The following SLCO5A1 variants were observed in gnomAD, a reference collection of about 807,000 sequenced individuals.
SLCO5A1 encodes the protein solute carrier organic anion transporter family member 5A1.
A neutral mutation model predicts 65.1 loss-of-function variants in SLCO5A1; 39 were observed. The observed-to-expected ratio is 0.60, with a 90% CI of 0.46 to 0.78. The LOEUF is 0.78. SLCO5A1 is among the 30% of genes least tolerant of loss of function. The pLI, the probability that SLCO5A1 is intolerant of heterozygous loss-of-function variation, is 0.00. For synonymous variants in SLCO5A1, 438 were observed against 415.7 expected (o/e 1.05, Z -0.65); for missense variants, 1,029 against 1,069.4 (o/e 0.96, Z 0.53).
chr8:69,710,110 C>G (rs927457860), intron 5 of SLCO5A1, among the ~76,000 whole-genome samples: 3 of 151,412 alleles, frequency 2.0e-5, no homozygotes, highest in African/African-American at 7.3e-5. Flanking sequence ...CCTCCGCCTC[C>G]CAGGTTCAAG....
intron 9 of SLCO5A1, among the ~76,000 whole-genome samples, chr8:69,675,684 T>C (rs981658522): frequency 6.6e-6 from 1 of 152,194 alleles, no homozygotes. Context: ...AAATGGAGAA[T>C]GCCAGGGGAT....
chr8:69,689,642 T>C (rs1438934334), intron 6 of SLCO5A1, among the ~76,000 whole-genome samples: 3 of 138,006 alleles, frequency 2.2e-5, no homozygotes, highest in Non-Finnish European at 4.6e-5. Context: ...AAAGATCAGA[T>C]AGTTGTAGAT....
In SLCO5A1 at chr8:69,774,394, C is replaced by T. The variant is rs115468820; in HGVS notation, c.908-12519G>A. On this transcript the variant is annotated intron_variant, in intron 2 of 9. Coordinates refer to ENST00000260126, the MANE Select transcript of SLCO5A1 (RefSeq NM_030958.3). The stretch of plus-strand genomic sequence containing the variant: ...CCTTCTCCAGGCTCTCCACAGGCCA[C>T]TACCATCCCAAGGTGGGTTTGCTGG... Among the ~76,000 whole-genome samples the T allele has an allele frequency of 2.1e-3, 327 of 152,302 alleles. 3 individuals carry two copies. The highest frequency in any genetic ancestry group is 7.5e-3 in the African/African-American group (312 of 41,560).
chr8:69,830,389 C>T (rs950727871), intron 2 of SLCO5A1, among the ~76,000 whole-genome samples: 3 of 152,102 alleles, frequency 2.0e-5, no homozygotes, highest in Admixed American at 6.5e-5. Context: ...GATGGGGTCT[C>T]ACTATGTTTC....
intron 2 of SLCO5A1, among the ~76,000 whole-genome samples, chr8:69,796,761 A>G (rs1280024294): frequency 1.3e-5 from 2 of 152,052 alleles, no homozygotes; most frequent in African/African-American, 4.8e-5. Context: ...AAATGTTAGA[A>G]GCAGCCAGGC....
intron 5 of SLCO5A1, among the ~76,000 whole-genome samples, chr8:69,706,997 A>C (rs1227555634): frequency 2.0e-5 from 3 of 152,170 alleles, no homozygotes; most frequent in African/African-American, 7.2e-5. Context: ...AAAGTTCAAA[A>C]ATTAGCTAGG....
chr8:69,686,353 G>A (rs758554399), intron 6 of SLCO5A1, among the ~76,000 whole-genome samples: 2 of 152,012 alleles, frequency 1.3e-5, no homozygotes, highest in Non-Finnish European at 2.9e-5. Flanking sequence ...CAATGAGAAT[G>A]TTTCTTTTCA....
At chr8:69,747,759 T>C (rs577554674) in intron 4 of SLCO5A1, among the ~76,000 whole-genome samples, 1 of 152,182 alleles carries the variant, frequency 6.6e-6, no homozygotes, top group African/African-American at 2.4e-5. Flanking sequence ...CTTTAAAGCC[T>C]TCTGGTGCGT....
intron 2 of SLCO5A1, among the ~76,000 whole-genome samples, chr8:69,821,105 CAT>C (rs1009688909): frequency 1.1e-4 from 16 of 151,978 alleles, no homozygotes; most frequent in African/African-American, 3.9e-4. Context: ...CATATATACA[CAT>C]ATATAATGTT....
Position 69,832,648 on chromosome 8 carries a change from G to A in SLCO5A1, c.26C>T (p.Pro9Leu), listed in dbSNP as rs1332635792. Residue 9 changes from proline to leucine, a missense_variant, in exon 2 of 10, where the codon CCC becomes CTC. This residue lies in a region of SLCO5A1 where 647 missense variants were observed against 647.5 expected (regional missense o/e 1.00). Coordinates refer to ENST00000260126, the MANE Select transcript of SLCO5A1 (RefSeq NM_030958.3). The surrounding 1 kb of genome is among the most constrained non-coding windows in gnomAD (Gnocchi z 4.5). ...CGCCTCCAGCTGCTCTCCCGCCCCG[G>A]GCTGCAGTCCAGTGCCTTCGTCCAT... The part of the protein sequence containing the change: MDEGTGLQ[P>L]GAGEQLEAPA... 6 of 1,605,924 alleles carry A rather than the reference G, an allele frequency of 3.7e-6. No individual in the cohort carries two copies. Among genetic ancestry groups the A allele is most frequent in the Middle Eastern group, 1.6e-4 (1 of 6,072 alleles).
At position 69,784,864 on chromosome 8, in the gene SLCO5A1, G is replaced by GAAAGAAAGA. The variant is rs1563722860; in HGVS notation, c.908-22990_908-22989insTCTTTCTTT. ...GAAAGAAAGAAAGAAAGAAAGAAAG[G>GAAAGAAAGA]GAAGGAAGGAGAAAGAAAGAAAGAA... is the stretch of plus-strand genomic sequence containing the variant. On this transcript the variant is annotated intron_variant, in intron 2 of 9. Coordinates refer to ENST00000260126, the MANE Select transcript of SLCO5A1 (RefSeq NM_030958.3). Among the ~76,000 whole-genome samples the GAAAGAAAGA allele has an allele frequency of 7.7e-3, 346 of 44,868 alleles. 4 individuals carry two copies. The highest frequency in any genetic ancestry group is 8.8e-3 in the Non-Finnish European group (196 of 22,204). The allele number at this position is 44,868 out of a possible 152,430, so 29.4% of individuals were successfully genotyped here. A position where few individuals can be genotyped will look rare whatever the true frequency, so the allele number is the denominator to read the frequency against.
intron 2 of SLCO5A1, among the ~76,000 whole-genome samples, chr8:69,781,997 A>G (rs983378491): frequency 6.6e-6 from 1 of 152,146 alleles, no homozygotes; most frequent in East Asian, 1.9e-4. Flanking sequence ...TCACCACTTC[A>G]TCAATGAAAT....
chr8:69,711,263 C>T (rs937959538), intron 5 of SLCO5A1, among the ~76,000 whole-genome samples: 3 of 152,160 alleles, frequency 2.0e-5, no homozygotes, highest in Non-Finnish European at 2.9e-5. Flanking sequence ...TCTTTCCCTT[C>T]CCTCTGTCCC....
chr8:69,830,090 G>A (rs1194769244), intron 2 of SLCO5A1, among the ~76,000 whole-genome samples: 2 of 152,146 alleles, frequency 1.3e-5, no homozygotes, highest in Non-Finnish European at 2.9e-5. Flanking sequence ...TACCCAGAAA[G>A]GAAATTTCTT....
At chr8:69,780,280 A>G (rs1405964901) in intron 2 of SLCO5A1, among the ~76,000 whole-genome samples, 1 of 152,214 alleles carries the variant, frequency 6.6e-6, no homozygotes, top group East Asian at 1.9e-4. Flanking sequence ...CTAACATTTG[A>G]CCTAGCAATC....
At chr8:69,715,381 T>C (rs1156917512) in intron 5 of SLCO5A1, among the ~76,000 whole-genome samples, 1 of 152,250 alleles carries the variant, frequency 6.6e-6, no homozygotes, top group African/African-American at 2.4e-5. Context: ...AGCCCACAGA[T>C]GTGGCCCATG....
At chr8:69,797,917 C>CA (rs1261535599) in intron 2 of SLCO5A1, among the ~76,000 whole-genome samples, 3 of 152,112 alleles carry the variant, frequency 2.0e-5, no homozygotes, top group African/African-American at 7.2e-5. Flanking sequence ...ATCTCTGTGA[C>CA]CCACACCCTA....
chr8:69,746,619 A>T (rs1434990020), intron 4 of SLCO5A1, among the ~76,000 whole-genome samples: 1 of 152,210 alleles, frequency 6.6e-6, no homozygotes, highest in Non-Finnish European at 1.5e-5. Flanking sequence ...TTGAGGGCAT[A>T]GGAAAGGCCT....
At chr8:69,830,806 C>T (rs1311940600) in intron 2 of SLCO5A1, among the ~76,000 whole-genome samples, 1 of 152,216 alleles carries the variant, frequency 6.6e-6, no homozygotes, top group Non-Finnish European at 1.5e-5. Flanking sequence ...CCAAATCCCA[C>T]AGCCACGGCT....
Sources: gnomAD v4.1 joint callset for allele counts (sites outside exome capture counted in the v4.1 genomes callset) on GRCh38, gnomAD v4.1.1 for gene constraint, gnomAD v4.1.1 regional missense constraint, Gnocchi (gnomAD v3.1) non-coding constraint, MANE v1.5 for transcripts, NCBI Gene and HGNC (gene_info 2026-07-23, HGNC 2026-07-21) for gene names.